Variants in NEBL observed in about 807,000 individuals in gnomAD.
The protein encoded by NEBL is LIM and SH3 protein 2.
A neutral mutation model predicts 140.2 loss-of-function variants in NEBL; 122 were observed. The observed-to-expected ratio is 0.87, with a 90% CI of 0.75 to 1.01. The LOEUF (loss-of-function observed/expected upper bound fraction) is 1.01. Ranked by LOEUF, NEBL falls within the 50% of genes least tolerant of loss-of-function variation. The pLI is 0.00. For synonymous variants in NEBL, 436 were observed against 398.9 expected, an observed-to-expected ratio of 1.09 and a Z score of -1.11; for missense variants, 1,365 against 1,231.3, an observed-to-expected ratio of 1.11 and a Z score of -1.62.
intron 9 of NEBL, 131 bp from the exon 10 acceptor site, chr10:20,852,780 T>C (rs1169838720): frequency 6.2e-6 from 5 of 803,850 alleles, no homozygotes; most frequent in African/African-American, 3.4e-5. Flanking sequence ...CCATCTGCAG[T>C]TGGCTGGCAG....
chr10:20,821,677 C>T (rs1356530247), intron 19 of NEBL, among the ~76,000 whole-genome samples: 1 of 152,164 alleles, frequency 6.6e-6, no homozygotes, highest in Non-Finnish European at 1.5e-5. Flanking sequence ...TGCTCTTAAA[C>T]ATTAAGATTG....
chr10:21,129,525 ATATC>A lies in NEBL; in HGVS notation c.164+42854_164+42857del, dbSNP rs1172322394. On this transcript the variant is annotated intron_variant, in intron 2 of 6. Coordinates refer to the NEBL transcript ENST00000417816. ...TACATATGTATATATGTGTATATAAATATCTATGTACAGGCACACTCATATATGC... is the reference window on the plus strand; with the variant it reads ...TACATATGTATATATGTGTATATAAATATGTACAGGCACACTCATATATGC... 2.0e-5 allele frequency among the ~76,000 whole-genome samples: 3 copies of A among 152,032 alleles called. No homozygotes were observed. The East Asian group carries it at 5.8e-4, about 29-fold the overall frequency.
chr10:21,200,991 G>A (rs772657192), intron 3 of NEBL, among the ~76,000 whole-genome samples: 8 of 152,026 alleles, frequency 5.3e-5, no homozygotes, highest in Non-Finnish European at 7.4e-5. Context: ...TCAGGAGGGA[G>A]GATTGCTTGA....
chr10:21,283,472 C>G (rs1293819117), intron 1 of NEBL, among the ~76,000 whole-genome samples: 2 of 152,140 alleles, frequency 1.3e-5, no homozygotes, highest in Non-Finnish European at 2.9e-5. Flanking sequence ...TACAGACTCC[C>G]CCTGAATTAT....
chr10:20,873,883 T>TCC (rs1194817154), intron 5 of NEBL, among the ~76,000 whole-genome samples: 1 of 152,192 alleles, frequency 6.6e-6, no homozygotes, highest in African/African-American at 2.4e-5. Context: ...GGTATATTCC[T>TCC]CCATTTCTTC....
At chr10:20,840,683 A>G in intron 13 of NEBL, 56 bp downstream of exon 13, 1 of 1,201,392 alleles carries the variant, frequency 8.3e-7, no homozygotes, top group East Asian at 2.3e-5. Flanking sequence ...AAGATTGACA[A>G]ATAAGAAAGT....
At chr10:21,074,074 C>CA (rs376240154) in intron 2 of NEBL, among the ~76,000 whole-genome samples, 5,665 of 147,712 alleles carry the variant, frequency 0.038, 150 homozygotes, top group African/African-American at 0.084. Flanking sequence ...GACTCCGTCT[C>CA]AAAAAAAAAA....
At chr10:20,874,135 T>C (rs1232571013) in intron 5 of NEBL, among the ~76,000 whole-genome samples, 1 of 152,212 alleles carries the variant, frequency 6.6e-6, no homozygotes, top group Non-Finnish European at 1.5e-5. Context: ...CTTAGCTTCT[T>C]TTCACTGAAT....
intron 3 of NEBL, among the ~76,000 whole-genome samples, chr10:20,984,671 G>A (rs918305132): frequency 2.6e-5 from 4 of 152,012 alleles, no homozygotes; most frequent in Admixed American, 6.6e-5. Context: ...GGGCCCTGCA[G>A]TTCTTCCTCA....
intron 11 of NEBL, among the ~76,000 whole-genome samples, chr10:20,847,180 T>G (rs1397169761): frequency 6.6e-6 from 1 of 152,196 alleles, no homozygotes; most frequent in African/African-American, 2.4e-5. Flanking sequence ...AAAAATATTT[T>G]TTACACCAAA....
chr10:21,227,711 T>TTCTTCTTCC (rs1456600511), intron 3 of NEBL, among the ~76,000 whole-genome samples: 3 of 46,424 alleles, frequency 6.5e-5, no homozygotes, highest in African/African-American at 2.0e-4. Flanking sequence ...CTTCTTCTTC[T>TTCTTCTTCC]TTCTTCTTCT....
chr10:21,212,734 C>T (rs1038920755), intron 3 of NEBL, among the ~76,000 whole-genome samples: 132 of 152,292 alleles, frequency 8.7e-4, no homozygotes, highest in Non-Finnish European at 1.7e-3. Context: ...CCACTGGCTT[C>T]TCGTGTTTCG....
chr10:20,890,201 CT>C (rs1259920305), intron 2 of NEBL, among the ~76,000 whole-genome samples: 1 of 152,170 alleles, frequency 6.6e-6, no homozygotes, highest in Non-Finnish European at 1.5e-5. Context: ...GGCGTGCTGG[CT>C]ACGGGTGATG....
At chr10:20,826,360 G>T (rs1839862621) in intron 18 of NEBL, 87 bp downstream of exon 18, 6 of 1,002,644 alleles carry the variant, frequency 6.0e-6, no homozygotes, top group Non-Finnish European at 9.4e-6. Flanking sequence ...AAGGAAAAAA[G>T]CCATCAGTTG....
Position 20,812,875 on chromosome 10 carries a change from A to G in NEBL, c.2412T>C (p.Pro804=), listed in dbSNP as rs749572741. 12 of 1,614,032 alleles carry G rather than the reference A, an allele frequency of 7.4e-6. No homozygotes were observed. The highest frequency in any genetic ancestry group is 1.1e-5 in the South Asian group (1 of 91,088). The change falls in exon 24 of 28, where the codon CCT becomes CCC. Residue 804 remains proline, a synonymous_variant. Coordinates refer to ENST00000377122, the MANE Select transcript of NEBL (RefSeq NM_006393.3). ...GRGFTPVVDD[P]VTERVRKNTQ... The stretch of plus-strand genomic sequence containing the variant: ...TGTTCTTCCTCACTCTCTCTGTCAC[A>G]GGATCGTCCACGACGGGAGTAAAGC...
At position 21,290,215 on chromosome 10, in the gene NEBL, T is replaced by C. The variant is rs900995347; in HGVS notation, n.182+2615A>G. 3.3e-5 allele frequency among the ~76,000 whole-genome samples: 5 copies of C among 152,160 alleles called. No homozygotes were observed. In the East Asian group the frequency reaches 9.6e-4, roughly 29 times the overall value. On this transcript the variant is annotated intron_variant and non_coding_transcript_variant, in intron 1 of 8. Transcript: ENST00000675702. ...CTCTCCCTGCTGTCAGCATAGACAGTCTATCCACTGCATGAGTTGTAGTCA... is the reference window on the plus strand; with the variant it reads ...CTCTCCCTGCTGTCAGCATAGACAGCCTATCCACTGCATGAGTTGTAGTCA...
At chr10:21,003,754 G>A (rs1838003449) in intron 3 of NEBL, among the ~76,000 whole-genome samples, 2 of 152,134 alleles carry the variant, frequency 1.3e-5, no homozygotes. Flanking sequence ...AGGAATGTAG[G>A]AAAATTGTCA....
At chr10:21,219,734 C>T (rs1842041067) in intron 3 of NEBL, among the ~76,000 whole-genome samples, 2 of 151,998 alleles carry the variant, frequency 1.3e-5, no homozygotes, top group Non-Finnish European at 2.9e-5. Context: ...GATGTTTTTT[C>T]ACTTATTTGT....
intron 3 of NEBL, among the ~76,000 whole-genome samples, chr10:21,198,189 T>C (rs1841682016): frequency 6.6e-6 from 1 of 152,210 alleles, no homozygotes; most frequent in Non-Finnish European, 1.5e-5. Flanking sequence ...AGCTGTCTGC[T>C]GCCTGGATAT....
Sources: allele counts gnomAD v4.1 joint callset (sites outside exome capture counted in the v4.1 genomes callset), GRCh38; gene constraint gnomAD v4.1.1; transcripts MANE v1.5; gene names NCBI Gene and HGNC (gene_info 2026-07-23, HGNC 2026-07-21).